Variants in CLEC16A observed in about 807,000 individuals in gnomAD.
CLEC16A encodes the protein protein CLEC16A.
In CLEC16A, 51 loss-of-function variants were observed where a neutral mutation model predicts 109.5. The ratio of observed to expected loss-of-function variants is 0.47; its 90% CI spans 0.37 to 0.59. The LOEUF (loss-of-function observed/expected upper bound fraction) is 0.59. Ranked by LOEUF, CLEC16A falls within the 20% of genes least tolerant of loss-of-function variation. The pLI is 0.00. For synonymous variants in CLEC16A, 673 were observed against 564.2 expected (o/e 1.19, Z -2.73); for missense variants, 1,339 against 1,394.0 (o/e 0.96, Z 0.63).
At chr16:11,041,820 C>T (rs1279621681) in intron 14 of CLEC16A, 3 of 156,412 alleles carry the variant, frequency 1.9e-5, no homozygotes, top group Non-Finnish European at 4.2e-5. Flanking sequence ...TACCTAGTCA[C>T]TGGGACCAAG....
chr16:11,024,960 C>T (rs771134035), intron 13 of CLEC16A, 39 bp downstream of exon 13: 1 of 1,385,712 alleles, frequency 7.2e-7, no homozygotes, highest in Non-Finnish European at 1.0e-6. Flanking sequence ...TTGCTGGGCC[C>T]TGCATACCCA....
intron 13 of CLEC16A, chr16:11,027,859 A>ACTGCTT: frequency 1.5e-6 from 1 of 660,218 alleles, no homozygotes; most frequent in East Asian, 2.7e-5. Context: ...TTCAGAGAAG[A>ACTGCTT]TTATTTCCTG....
At chr16:11,034,605 G>A (rs1567223434) in intron 13 of CLEC16A, among the ~76,000 whole-genome samples, 1 of 152,120 alleles carries the variant, frequency 6.6e-6, no homozygotes, top group Non-Finnish European at 1.5e-5. Flanking sequence ...GTGGACAGGG[G>A]ACACCCGTTC....
chr16:11,094,982 C>G lies in CLEC16A; in HGVS notation c.2117-25633C>G, dbSNP rs138124355. On this transcript the variant is annotated intron_variant, in intron 19 of 23. Coordinates refer to ENST00000409790, the MANE Select transcript of CLEC16A (RefSeq NM_015226.3). ...CTGGGCTCCCTCAGTACCTGTGATG[C>G]GTTTGAAGTTTCTACTTTCTTCTTA... is the stretch of plus-strand genomic sequence containing the variant. 3.3e-5 allele frequency among the ~76,000 whole-genome samples: 5 copies of G among 152,248 alleles called. No individual in the cohort carries two copies. In the East Asian group the frequency reaches 9.6e-4, roughly 29 times the overall value.
chr16:11,169,867 C>A (rs1352019990), intron 23 of CLEC16A, among the ~76,000 whole-genome samples: 1 of 152,166 alleles, frequency 6.6e-6, no homozygotes, highest in African/African-American at 2.4e-5. Flanking sequence ...AGATACTCCT[C>A]CTGAAATTGA....
intron 22 of CLEC16A, chr16:11,150,025 C>A (rs888269746): frequency 2.0e-5 from 3 of 152,162 alleles, no homozygotes; most frequent in African/African-American, 7.2e-5. Flanking sequence ...GATGGCAAAA[C>A]CAAAACCTGC....
At chr16:11,125,921 T>A in intron 21 of CLEC16A, 58 bp from the exon 22 acceptor site, 2 of 193,866 alleles carry the variant, frequency 1.0e-5, no homozygotes, top group Non-Finnish European at 1.8e-5. Context: ...CCCCAAATTC[T>A]CACCACCCCC....
At chr16:10,979,445 T>G (rs2043200437) in intron 9 of CLEC16A, 63 bp downstream of exon 9, 2 of 1,457,514 alleles carry the variant, frequency 1.4e-6, no homozygotes, top group Admixed American at 3.7e-5. Flanking sequence ...GCCACTGCCT[T>G]GAAGAAAATC....
chr16:11,131,196 G>C (rs963369482), intron 22 of CLEC16A, among the ~76,000 whole-genome samples: 2 of 152,184 alleles, frequency 1.3e-5, no homozygotes, highest in African/African-American at 4.8e-5. Flanking sequence ...CTAGACTCTA[G>C]CCTGAGCACT....
intron 11 of CLEC16A, among the ~76,000 whole-genome samples, chr16:11,007,189 C>A (rs2045077752): frequency 6.6e-6 from 1 of 152,150 alleles, no homozygotes; most frequent in Admixed American, 6.5e-5. Flanking sequence ...CCCGGACTCA[C>A]CTTCAAAGCC....
chr16:11,149,549 T>C (rs1477754910), intron 22 of CLEC16A, among the ~76,000 whole-genome samples: 1 of 152,130 alleles, frequency 6.6e-6, no homozygotes, highest in East Asian at 1.9e-4. Context: ...CTCAACACTT[T>C]GGGAGGCTGA....
At chr16:11,094,669 G>T (rs1449235013) in intron 19 of CLEC16A, among the ~76,000 whole-genome samples, 4 of 152,198 alleles carry the variant, frequency 2.6e-5, no homozygotes, top group Admixed American at 2.0e-4. Context: ...GTGGGGCCCT[G>T]CATGCCTGCC....
chr16:11,125,907 C>G, intron 21 of CLEC16A, 72 bp from the exon 22 acceptor site: 1 of 210,664 alleles, frequency 4.7e-6, no homozygotes, highest in Non-Finnish European at 1.0e-5. Context: ...TACGATGTCC[C>G]CCCCCCCAAA....
intron 10 of CLEC16A, among the ~76,000 whole-genome samples, chr16:11,001,297 G>A (rs1433076618): frequency 2.6e-5 from 4 of 152,192 alleles, no homozygotes; most frequent in African/African-American, 9.7e-5. Context: ...TGTTGCCCAG[G>A]CTGGTCTTCA....
At chr16:11,147,511 G>A (rs375929858) in intron 22 of CLEC16A, among the ~76,000 whole-genome samples, 9 of 152,248 alleles carry the variant, frequency 5.9e-5, no homozygotes, top group Admixed American at 4.6e-4. Context: ...GTTCTGCAGA[G>A]CAGGGTTAGG....
intron 22 of CLEC16A, chr16:11,156,637 G>C: frequency 7.7e-7 from 1 of 1,304,306 alleles, no homozygotes; most frequent in Non-Finnish European, 1.0e-6. Context: ...CTAGTGCCTT[G>C]GCTGACAGAC....
intron 22 of CLEC16A, chr16:11,126,677 G>A (rs2052845112): frequency 5.3e-6 from 1 of 187,580 alleles, no homozygotes. Context: ...AACTTGAATG[G>A]AAAGTCCATT....
chr16:11,023,000 A>C (rs193251474), intron 12 of CLEC16A, among the ~76,000 whole-genome samples: 1 of 150,432 alleles, frequency 6.6e-6, no homozygotes, highest in African/African-American at 2.4e-5. Context: ...TAAAATTATG[A>C]AAGTATGCAA....
Position 11,004,812 on chromosome 16 carries a change from C to G in CLEC16A, c.1303+1507C>G, listed in dbSNP as rs188259401. Among the ~76,000 whole-genome samples the G allele has an allele frequency of 4.6e-5, 7 of 151,692 alleles. No homozygotes were observed. The South Asian group carries it at 1.5e-3, about 32-fold the overall frequency. On this transcript the variant is annotated intron_variant, in intron 11 of 23. Coordinates refer to ENST00000409790, the MANE Select transcript of CLEC16A (RefSeq NM_015226.3). ...TGAGATCTCCAGCCTCCTCTTATTT[C>G]TGTTTAAAGTGTGCAATAGGTGTTT...
Sources: allele counts gnomAD v4.1 joint callset (sites outside exome capture counted in the v4.1 genomes callset), GRCh38; gene constraint gnomAD v4.1.1; transcripts MANE v1.5; gene names NCBI Gene and HGNC (gene_info 2026-07-23, HGNC 2026-07-21).